Variants in CD4 observed in about 807,000 individuals in gnomAD.
The protein encoded by CD4 is CD4 molecule.
In CD4, 25 loss-of-function variants were observed where a neutral mutation model predicts 50.5. The ratio of observed to expected loss-of-function variants is 0.49; its 90% CI spans 0.36 to 0.69. The LOEUF (loss-of-function observed/expected upper bound fraction) is 0.69, where lower values mean the gene tolerates loss of function less well. Ranked by LOEUF, CD4 falls within the 30% of genes least tolerant of loss-of-function variation. The pLI, the probability that CD4 is intolerant of heterozygous loss-of-function variation, is 0.00. For missense variants in CD4, 456 were observed against 548.5 expected, an observed-to-expected ratio of 0.83 and a Z score of 1.68; for synonymous variants, 207 against 221.9, an observed-to-expected ratio of 0.93 and a Z score of 0.60.
rs200593606 is a variant in CD4, at chr12:6,816,401, G to A, written c.953G>A (p.Arg318Lys). The change falls in exon 6 of 10, where the codon AGA (arginine) becomes AAA (lysine). Residue 318 changes from arginine (R) to lysine (K), a missense_variant and splice_region_variant. Arg to Lys is a conservative substitution (Grantham distance 26). Transcript: ENST00000011653. This position sits in a 1 kb window ranked among gnomAD's most constrained non-coding sequence, Gnocchi z 4.9. ...LHQEVNLVVM[R>K]ATQLQKNLTC... ...CAGGAAGTGAACCTGGTGGTGATGA[G>A]AGGTGAGGGGCCAGGCCAGGGAGGG... 2 of 1,611,176 alleles carry A rather than the reference G, an allele frequency of 1.2e-6. No individual in the cohort carries two copies. Among genetic ancestry groups the A allele is most frequent in the Non-Finnish European group, 1.7e-6 (2 of 1,178,104 alleles).
At chr12:6,817,543 G>T (rs1555118155) in intron 7 of CD4, among the ~76,000 whole-genome samples, 2 of 152,136 alleles carry the variant, frequency 1.3e-5, no homozygotes, top group African/African-American at 4.8e-5. Context: ...TAGGCTGCCA[G>T]TTGTAATTCT....
chr12:6,797,589 T>A (rs1409916654), intron 1 of CD4, among the ~76,000 whole-genome samples: 1 of 152,108 alleles, frequency 6.6e-6, no homozygotes, highest in Non-Finnish European at 1.5e-5. Flanking sequence ...TTGATCACTA[T>A]CTTTACTATC....
rs1943025319 is a variant in CD4 at position 6,814,275 on chromosome 12, G to C, written c.348G>C (p.Glu116Asp). ...TYICEVEDQK[E>D]EVQLLVFGLT... ...TCTGTGAAGTGGAGGACCAGAAGGA[G>C]GAGGTGCAATTGCTAGTGTTCGGAT... is the stretch of plus-strand genomic sequence containing the variant. The change falls in exon 4 of 10, where the codon GAG becomes GAC. Residue 116 changes from glutamate to aspartate, a missense_variant. Glu to Asp is a conservative substitution (Grantham distance 45). Coordinates refer to ENST00000011653, the MANE Select transcript of CD4 (RefSeq NM_000616.5). 6.2e-7 allele frequency: 1 copy of C among 1,613,966 alleles called. No individual in the cohort carries two copies.
rs113237953 is a variant in CD4 at position 6,803,161 on chromosome 12, G to GT, written c.214+2697dup. 5.8e-3 allele frequency among the ~76,000 whole-genome samples: 871 copies of GT among 151,196 alleles called. 11 individuals carry two copies. The highest frequency in any genetic ancestry group is 0.024 in the Middle Eastern group (7 of 286). On this transcript the variant is annotated intron_variant, in intron 3 of 9. Transcript: ENST00000011653. ...AAAATTGTGAATATTCTTTTTTGTT[G>GT]TTTTTTTGAGACAGAGTCTCATTTG...
At chr12:6,808,512 C>A (rs1273250522) in intron 3 of CD4, among the ~76,000 whole-genome samples, 2 of 59,426 alleles carry the variant, frequency 3.4e-5, no homozygotes, top group African/African-American at 8.9e-5. Flanking sequence ...TTAAATTTTT[C>A]TTCTTTTCCT....
chr12:6,798,035 G>A (rs937986388), intron 1 of CD4, among the ~76,000 whole-genome samples: 3 of 152,036 alleles, frequency 2.0e-5, no homozygotes, highest in Non-Finnish European at 4.4e-5. Context: ...CTGTCTCAGT[G>A]GGGGGAAACC....
chr12:6,804,592 G>A (rs1942669071), intron 3 of CD4, among the ~76,000 whole-genome samples: 1 of 152,128 alleles, frequency 6.6e-6, no homozygotes, highest in African/African-American at 2.4e-5. Flanking sequence ...GCTCAAAAAG[G>A]CCAGGCATGG....
chr12:6,801,877 A>AC (rs1942571917), intron 3 of CD4, among the ~76,000 whole-genome samples: 1 of 112,398 alleles, frequency 8.9e-6, no homozygotes, highest in Non-Finnish European at 1.9e-5. Context: ...ATTTTTTTCT[A>AC]CTTTTTTTTT....
intron 3 of CD4, among the ~76,000 whole-genome samples, chr12:6,805,332 G>A (rs1437483346): frequency 2.0e-5 from 3 of 152,030 alleles, no homozygotes; most frequent in African/African-American, 7.2e-5. Flanking sequence ...GGAAGTTGAG[G>A]CTGGCGGATC....
chr12:6,817,595 T>C (rs1943114180), intron 7 of CD4, among the ~76,000 whole-genome samples: 1 of 151,580 alleles, frequency 6.6e-6, no homozygotes, highest in Non-Finnish European at 1.5e-5. Context: ...AGGGATGGGG[T>C]CCACCTGACC....
intron 1 of CD4, among the ~76,000 whole-genome samples, chr12:6,794,356 C>T (rs1396169977): frequency 1.4e-5 from 2 of 144,016 alleles, no homozygotes; most frequent in African/African-American, 2.6e-5. Flanking sequence ...CGTGAGCCAC[C>T]GTGCCTGGAC....
At chr12:6,790,253 C>A (rs1390798282) in intron 1 of CD4, among the ~76,000 whole-genome samples, 5 of 152,170 alleles carry the variant, frequency 3.3e-5, no homozygotes, top group African/African-American at 1.2e-4. Flanking sequence ...AAATATCATA[C>A]TTGCAGCATT....
intron 3 of CD4, among the ~76,000 whole-genome samples, chr12:6,806,286 A>C (rs28920473): frequency 0.11 from 17,403 of 151,860 alleles, 1,858 homozygotes; most frequent in African/African-American, 0.28. Flanking sequence ...GTGTACACAT[A>C]TATTTAAAAT....
chr12:6,806,719 A>C (rs1942772625), intron 3 of CD4, among the ~76,000 whole-genome samples: 1 of 152,210 alleles, frequency 6.6e-6, no homozygotes, highest in Non-Finnish European at 1.5e-5. Flanking sequence ...AAACCACAAT[A>C]GGCTATCACT....
rs1943087630 is a variant in CD4 at position 6,816,461 on chromosome 12, AG to A, written c.955+61del. Reference sequence around the variant, plus strand: ...GGAAGGAGTTGGAGGGGCCTGGCCCAGGGCTCCCTCTGAGGCAAGCCAGGCC... The same window carrying A: ...GGAAGGAGTTGGAGGGGCCTGGCCCAGGCTCCCTCTGAGGCAAGCCAGGCC... On this transcript the variant is annotated intron_variant, in intron 6 of 9. Transcript: ENST00000011653. This position sits in a 1 kb window ranked among gnomAD's most constrained non-coding sequence, Gnocchi z 4.9. 1 of 1,412,766 alleles carries A rather than the reference AG, an allele frequency of 7.1e-7. No individual in the cohort carries two copies. The highest frequency in any genetic ancestry group is 9.6e-7 in the Non-Finnish European group (1 of 1,039,228). 87.5% of individuals were successfully genotyped at this position (1,412,766 alleles called of 1,614,324 possible).
chr12:6,797,275 G>C (rs1262218561), intron 1 of CD4, among the ~76,000 whole-genome samples: 1 of 151,740 alleles, frequency 6.6e-6, no homozygotes, highest in African/African-American at 2.4e-5. Flanking sequence ...TCTGCCAAGC[G>C]CACAGGAAAC....
At chr12:6,814,048 C>A in intron 3 of CD4, 94 bp from the exon 4 acceptor site, 1 of 1,083,228 alleles carries the variant, frequency 9.2e-7, no homozygotes, top group Non-Finnish European at 1.3e-6. Flanking sequence ...AGGAAATTAG[C>A]AACTGATATC....
intron 3 of CD4, among the ~76,000 whole-genome samples, chr12:6,809,166 C>T (rs1942858110): frequency 6.6e-6 from 1 of 152,078 alleles, no homozygotes; most frequent in African/African-American, 2.4e-5. Context: ...CCCTGGTTTC[C>T]TATCGTCATC....
intron 1 of CD4, among the ~76,000 whole-genome samples, chr12:6,791,873 C>T (rs1948250000): frequency 6.6e-6 from 1 of 152,170 alleles, no homozygotes; most frequent in Admixed American, 6.5e-5. Context: ...GAGTGAGGCC[C>T]TGTCTCAAAA....
Sources: allele counts gnomAD v4.1 joint callset (sites outside exome capture counted in the v4.1 genomes callset), GRCh38; gene constraint gnomAD v4.1.1; non-coding constraint Gnocchi (gnomAD v3.1); transcripts MANE v1.5; gene names NCBI Gene and HGNC (gene_info 2026-07-23, HGNC 2026-07-21).